The following ZC2HC1C variants were observed in gnomAD, a reference collection of about 807,000 sequenced individuals.
ZC2HC1C encodes the protein zinc finger C2HC domain-containing protein 1C.
Under a neutral mutation model 39.2 loss-of-function variants are expected in ZC2HC1C, and 25 were observed. The observed-to-expected ratio is 0.64, with a 90% CI of 0.47 to 0.89. The LOEUF (loss-of-function observed/expected upper bound fraction) is 0.89. Ranked by LOEUF, ZC2HC1C falls within the 40% of genes least tolerant of loss-of-function variation. The pLI is 0.00. For synonymous variants in ZC2HC1C, 209 were observed against 214.4 expected (o/e 0.97, Z 0.22); for missense variants, 519 against 548.6 (o/e 0.95, Z 0.54).
chr14:75,071,930 A>G lies in ZC2HC1C; in HGVS notation c.1338+19A>G. 6.4e-7 allele frequency: 1 copy of G among 1,560,688 alleles called. No homozygotes were observed. The highest frequency in any genetic ancestry group is 1.2e-5 in the South Asian group (1 of 80,792). ...AGCCAAGGTAACAAGAGCCTTATGG[A>G]TGTGACTTGGTGTGGTGATCATTGT... On this transcript the variant is annotated intron_variant, in intron 2 of 2. Transcript: ENST00000524913.
At chr14:75,076,790 C>T (rs1293979519) in intron 2 of ZC2HC1C, among the ~76,000 whole-genome samples, 1 of 151,996 alleles carries the variant, frequency 6.6e-6, no homozygotes, top group Admixed American at 6.6e-5. Flanking sequence ...CTTTTTGGCT[C>T]TTTTTCTTGT....
In ZC2HC1C at chr14:75,069,754, G is replaced by A. The variant is rs1893262761; in HGVS notation, c.-20+5G>A. On this transcript the variant is annotated splice_donor_5th_base_variant and intron_variant, in intron 1 of 2. Transcript: ENST00000524913. Reference sequence around the variant, plus strand: ...AGCGGTGCCCGAGGGCCTCAGGTACGCAGAAGGGCGGGGAGACATGGGATC... The same window carrying A: ...AGCGGTGCCCGAGGGCCTCAGGTACACAGAAGGGCGGGGAGACATGGGATC... 1 of 155,192 alleles carries A rather than the reference G, an allele frequency of 6.4e-6. No individual in the cohort carries two copies. The highest frequency in any genetic ancestry group is 1.4e-5 in the Non-Finnish European group (1 of 70,186). The allele number at this position is 155,192 out of a possible 1,614,324, so 9.6% of individuals were successfully genotyped here.
intron 1 of ZC2HC1C, 99 bp from the exon 2 acceptor site, chr14:75,070,456 G>A (rs1338936570): frequency 1.4e-6 from 2 of 1,403,956 alleles, no homozygotes; most frequent in African/African-American, 1.4e-5. Flanking sequence ...AAAGTTTAAG[G>A]GAATGTGGGC....
Position 75,070,592 on chromosome 14 carries a change from T to C in ZC2HC1C, c.19T>C (p.Leu7=), listed in dbSNP as rs762361502. The C allele has an allele frequency of 1.9e-6, 3 of 1,611,898 alleles. No individual in the cohort carries two copies. Among genetic ancestry groups the C allele is most frequent in the Admixed American group, 3.3e-5 (2 of 59,736 alleles). ...GCCCTGAATGGCTGGTCTCCAGCGGTTGGCGTCACATCTGCCTGTGGGCGT... is the reference window on the plus strand; with the variant it reads ...GCCCTGAATGGCTGGTCTCCAGCGGCTGGCGTCACATCTGCCTGTGGGCGT... The part of the protein sequence containing the change: MAGLQR[L]ASHLPVGVML... Residue 7 remains leucine (L), a synonymous_variant, in exon 2 of 3, where the codon TTG becomes CTG. Transcript: ENST00000524913.
chr14:75,071,743 G>C lies in ZC2HC1C; in HGVS notation c.1170G>C (p.Glu390Asp), dbSNP rs758886860. 4 of 1,614,180 alleles carry C rather than the reference G, an allele frequency of 2.5e-6. No individual in the cohort carries two copies. The Admixed American group carries it at 6.7e-5, about 27-fold the overall frequency. ...CCATTGAAGAGCCACAGCTGGGTGA[G>C]TGCAGCCACTGTGGGCGCAAATTCC... is the stretch of plus-strand genomic sequence containing the variant. ...SGSIEEPQLG[E>D]CSHCGRKFLS... is the part of the protein sequence containing the mutation. The change falls in exon 2 of 3, where the codon GAG (glutamate) becomes GAC (aspartate). Residue 390 changes from glutamate to aspartate, a missense_variant. Transcript: ENST00000524913.
chr14:75,077,236 C>A (rs140166108), intron 2 of ZC2HC1C, among the ~76,000 whole-genome samples: 1 of 152,220 alleles, frequency 6.6e-6, no homozygotes, highest in East Asian at 1.9e-4. Context: ...GTGGGAGGAG[C>A]CGTGGGGTCC....
intron 2 of ZC2HC1C, among the ~76,000 whole-genome samples, chr14:75,076,060 T>TAACAAC (rs530205810): frequency 6.6e-6 from 1 of 151,844 alleles, no homozygotes; most frequent in African/African-American, 2.4e-5. Context: ...CCATCTCAAA[T>TAACAAC]AACAACAACA....
chr14:75,071,758 G>A lies in ZC2HC1C; in HGVS notation c.1185G>A (p.Gly395=), dbSNP rs372292204. The A allele has an allele frequency of 5.0e-6, 8 of 1,614,048 alleles. No homozygotes were observed. In the African/African-American group the frequency reaches 1.1e-4, roughly 22 times the overall value. Residue 395 remains glycine (G), a synonymous_variant, in exon 2 of 3, where the codon GGG becomes GGA. Coordinates refer to ENST00000524913, the MANE Select transcript of ZC2HC1C (RefSeq NM_024643.4). ...EPQLGECSHC[G]RKFLSFRLER... is the part of the protein sequence containing the mutation. ...AGCTGGGTGAGTGCAGCCACTGTGG[G>A]CGCAAATTCCTCTCGTTCAGGCTGG...
chr14:75,076,892 G>C (rs565084872), intron 2 of ZC2HC1C, among the ~76,000 whole-genome samples: 1 of 152,176 alleles, frequency 6.6e-6, no homozygotes, highest in East Asian at 1.9e-4. Flanking sequence ...TCATATTAAG[G>C]TTCCCAGATA....
At chr14:75,075,153 A>G (rs1381990165) in intron 2 of ZC2HC1C, among the ~76,000 whole-genome samples, 1 of 152,194 alleles carries the variant, frequency 6.6e-6, no homozygotes, top group East Asian at 1.9e-4. Flanking sequence ...TCCATCTGAT[A>G]TCAGACATCT....
chr14:75,071,677 C>T lies in ZC2HC1C; in HGVS notation c.1104C>T (p.Ser368=), dbSNP rs1323262444. ...CTTTGCAGGGATCCGCCAGAAATTC[C>T]AGCCTGTCCATGGCACCAGACTCCT... ...VGALQGSARN[S]SLSMAPDSSG... The change falls in exon 2 of 3, where the codon TCC becomes TCT. Residue 368 remains serine, a synonymous_variant. Coordinates refer to ENST00000524913, the MANE Select transcript of ZC2HC1C (RefSeq NM_024643.4). 13 of 1,614,068 alleles carry T rather than the reference C, an allele frequency of 8.1e-6. No individual in the cohort carries two copies. Among genetic ancestry groups the T allele is most frequent in the Non-Finnish European group, 1.0e-5 (12 of 1,180,036 alleles).
intron 2 of ZC2HC1C, among the ~76,000 whole-genome samples, chr14:75,074,762 G>A (rs1893590087): frequency 1.3e-5 from 2 of 152,256 alleles, no homozygotes; most frequent in South Asian, 4.1e-4. Flanking sequence ...AGTTAAGACA[G>A]GGTTTCACCA....
rs1190122875 is a variant in ZC2HC1C, at chr14:75,071,547, G to C, written c.974G>C (p.Arg325Thr). The C allele has an allele frequency of 1.5e-5, 24 of 1,614,142 alleles. No individual in the cohort carries two copies. The highest frequency in any genetic ancestry group is 1.9e-5 in the Non-Finnish European group (23 of 1,180,028). Residue 325 changes from arginine (R) to threonine (T), a missense_variant, in exon 2 of 3, where the codon AGG becomes ACG. By Grantham distance (71) the Arg-to-Thr change is moderately conservative (BLOSUM62 -1). Transcript: ENST00000524913. ...CAGTTCTCTGATTATAGAATCCAGA[G>C]GCTCAAAAGGGAAAGGCTGGTAGCA... ...PFQFSDYRIQRLKRERLVASN... is the reference protein window; with the variant it reads ...PFQFSDYRIQTLKRERLVASN...
At position 75,071,556 on chromosome 14, in the gene ZC2HC1C, G is replaced by A. The variant is rs1893415011; in HGVS notation, c.983G>A (p.Arg328Lys). 3 of 1,613,262 alleles carry A rather than the reference G, an allele frequency of 1.9e-6. No homozygotes were observed. Among genetic ancestry groups the A allele is most frequent in the Non-Finnish European group, 2.5e-6 (3 of 1,179,400 alleles). Residue 328 changes from arginine (R) to lysine (K), a missense_variant, in exon 2 of 3, where the codon AGG (arginine) becomes AAG (lysine). Arg to Lys is a conservative substitution (Grantham distance 26). Coordinates refer to ENST00000524913, the MANE Select transcript of ZC2HC1C (RefSeq NM_024643.4). ...GATTATAGAATCCAGAGGCTCAAAA[G>A]GGAAAGGCTGGTAGCAAGCAATAAT... Reference protein sequence around the residue: ...FSDYRIQRLKRERLVASNNKI... With the variant: ...FSDYRIQRLKKERLVASNNKI...
Position 75,071,363 on chromosome 14 carries a change from C to T in ZC2HC1C, c.790C>T (p.Gln264Ter), listed in dbSNP as rs778962114. 8 of 1,613,806 alleles carry T rather than the reference C, an allele frequency of 5.0e-6. No individual in the cohort carries two copies. The Admixed American group carries it at 8.3e-5, about 17-fold the overall frequency. The stretch of plus-strand genomic sequence containing the variant: ...CAAGGAAAATGAAAACGGAGAGCTA[C>T]AGAAAATTATACTCCCCAGGAGCAG... ...QAKENENGEL[Q>*]KIILPRSRVK... Residue 264 changes from glutamine to a stop codon, truncating the protein, a stop_gained, in exon 2 of 3, where the codon CAG becomes TAG. Transcript: ENST00000524913. LOFTEE classifies it high-confidence loss of function.
chr14:75,070,786 C>A lies in ZC2HC1C; in HGVS notation c.213C>A (p.His71Gln), dbSNP rs747660667. 1.2e-6 allele frequency: 2 copies of A among 1,614,206 alleles called. No individual in the cohort carries two copies. Among genetic ancestry groups the A allele is most frequent in the Admixed American group, 3.3e-5 (2 of 60,020 alleles). Reference sequence around the variant, plus strand: ...TGATTCTGGATAAAGTCTATACTCACCCCAAATGGAACACCCAAACAAAAG... The same window carrying A: ...TGATTCTGGATAAAGTCTATACTCAACCCAAATGGAACACCCAAACAAAAG... ...KELILDKVYT[H>Q]PKWNTQTKAR... Residue 71 changes from histidine (H) to glutamine (Q), a missense_variant, in exon 2 of 3, where the codon CAC becomes CAA. Transcript: ENST00000524913.
rs1893377110 is a variant in ZC2HC1C, at chr14:75,071,172, A to G, written c.599A>G (p.Lys200Arg). 2 of 1,614,188 alleles carry G rather than the reference A, an allele frequency of 1.2e-6. No homozygotes were observed. The highest frequency in any genetic ancestry group is 1.7e-6 in the Non-Finnish European group (2 of 1,180,034). The change falls in exon 2 of 3, where the codon AAG becomes AGG. Residue 200 changes from lysine (K) to arginine (R), a missense_variant. Transcript: ENST00000524913. ...GTTCTTGCTGCCACGCAGGCGGAGA[A>G]GGCCGTGGCAAACTTTGACAGGACG... ...GTVLAATQAE[K>R]AVANFDRTEW... is the part of the protein sequence containing the mutation.
Position 75,071,067 on chromosome 14 carries a change from C to T in ZC2HC1C, c.494C>T (p.Pro165Leu), listed in dbSNP as rs777338351. Reference sequence around the variant, plus strand: ...ACTGATGGGGACCATAATGTCTACCCAAGGCCCCCTGAGCCGAGAGAGTTT... The same window carrying T: ...ACTGATGGGGACCATAATGTCTACCTAAGGCCCCCTGAGCCGAGAGAGTTT... ...AGTDGDHNVYPRPPEPREFSS... is the reference protein window; with the variant it reads ...AGTDGDHNVYLRPPEPREFSS... Residue 165 changes from proline (P) to leucine (L), a missense_variant, in exon 2 of 3, where the codon CCA (proline) becomes CTA (leucine). Pro to Leu is a moderately conservative substitution (Grantham distance 98). Coordinates refer to ENST00000524913, the MANE Select transcript of ZC2HC1C (RefSeq NM_024643.4). The T allele has an allele frequency of 7.4e-6, 12 of 1,614,174 alleles. No individual in the cohort carries two copies. The highest frequency in any genetic ancestry group is 1.0e-5 in the Non-Finnish European group (12 of 1,180,028).
intron 2 of ZC2HC1C, among the ~76,000 whole-genome samples, chr14:75,072,661 T>C (rs1893482429): frequency 6.6e-6 from 1 of 152,194 alleles, no homozygotes; most frequent in African/African-American, 2.4e-5. Flanking sequence ...TTTGGACATA[T>C]CTGGAGAAGA....
Sources: gnomAD v4.1 joint callset for allele counts (sites outside exome capture counted in the v4.1 genomes callset) on GRCh38, gnomAD v4.1.1 for gene constraint, MANE v1.5 for transcripts, NCBI Gene and HGNC (gene_info 2026-07-23, HGNC 2026-07-21) for gene names.